Variants in FRMD1 observed in about 807,000 individuals in gnomAD.
The protein encoded by FRMD1 is FERM domain containing 1, also known as FERM domain-containing protein 1.
FRMD1 carries 51 observed loss-of-function variants against 54.9 expected under a neutral mutation model. That is an observed-to-expected ratio of 0.93 (90% CI 0.74 to 1.17). The LOEUF (loss-of-function observed/expected upper bound fraction) is 1.17, where lower values mean the gene tolerates loss of function less well. Ranked by LOEUF, FRMD1 falls within the 50% of genes most tolerant of loss-of-function variation. The pLI is 0.00. For synonymous variants in FRMD1, 324 were observed against 306.4 expected (o/e 1.06, Z -0.60); for missense variants, 729 against 743.0 (o/e 0.98, Z 0.22).
chr6:168,073,120 TG>T (rs1466709678), intron 2 of FRMD1, among the ~76,000 whole-genome samples: 1 of 152,150 alleles, frequency 6.6e-6, no homozygotes, highest in Non-Finnish European at 1.5e-5. Context: ...TATTCAACCT[TG>T]ACAGCAAGAC....
In FRMD1 at chr6:168,057,203, A is replaced by G. The variant is rs1205364555; in HGVS notation, c.1544T>C (p.Leu515Pro). 6.2e-7 allele frequency: 1 copy of G among 1,604,964 alleles called. No individual in the cohort carries two copies. The highest frequency in any genetic ancestry group is 1.7e-5 in the Admixed American group (1 of 59,236). ...HTFHRALDCR[L>P]AGPCETRATL... ...GGCCCTGGTCTCGCAGGGGCCTGCCAGCCTGCAGTCCAGGGCGCGGTGGAA... is the reference window on the plus strand; with the variant it reads ...GGCCCTGGTCTCGCAGGGGCCTGCCGGCCTGCAGTCCAGGGCGCGGTGGAA... The change falls in exon 11 of 11, where the codon CTG becomes CCG. Residue 515 changes from leucine (L) to proline (P), a missense_variant. Physicochemically the swap from Leu to Pro is moderately conservative, Grantham distance 98. Coordinates refer to ENST00000283309, the MANE Select transcript of FRMD1 (RefSeq NM_024919.6).
At chr6:168,092,545 G>A (rs1341429600) in intron 1 of FRMD1, among the ~76,000 whole-genome samples, 1 of 152,082 alleles carries the variant, frequency 6.6e-6, no homozygotes, top group Non-Finnish European at 1.5e-5. Flanking sequence ...CTCAGGAATG[G>A]GATTAGTGCC....
chr6:168,075,684 C>T (rs1189884220), intron 1 of FRMD1: 3 of 1,396,498 alleles, frequency 2.1e-6, no homozygotes, highest in Non-Finnish European at 3.0e-6. Context: ...GCTCTGTCCT[C>T]GCACGGCACA....
In FRMD1 at chr6:168,063,593, G is replaced by GGCTCGACCTTGTGCAGCCCATC. The variant is rs1562412352; in HGVS notation, c.804+7_804+8insGATGGGCTGCACAAGGTCGAGC. 1.2e-6 allele frequency: 2 copies of GGCTCGACCTTGTGCAGCCCATC among 1,606,336 alleles called. No individual in the cohort carries two copies. The highest frequency in any genetic ancestry group is 2.2e-5 in the South Asian group (2 of 89,808). ...GTCCAGCCCATCGCTGGCCGCCCTG[G>GGCTCGACCTTGTGCAGCCCATC]GCTCGACCTTGTGCAGCCTGAAGAA... On this transcript the variant is annotated splice_region_variant and intron_variant, in intron 6 of 10. Transcript: ENST00000283309.
chr6:168,073,938 G>C (rs1381254482), intron 2 of FRMD1, among the ~76,000 whole-genome samples: 4 of 152,032 alleles, frequency 2.6e-5, no homozygotes, highest in African/African-American at 4.8e-5. Flanking sequence ...AAGACAGGGG[G>C]ATATTCAGCC....
chr6:168,081,361 C>T (rs920453764), upstream of FRMD1: 1 of 1,530,982 alleles, frequency 6.5e-7, no homozygotes, highest in Non-Finnish European at 8.7e-7. Flanking sequence ...GTCTTGTCTT[C>T]TCGACTGGCC....
upstream of FRMD1, among the ~76,000 whole-genome samples, chr6:168,083,021 C>G (rs1373694599): frequency 3.9e-5 from 6 of 152,184 alleles, no homozygotes; most frequent in African/African-American, 1.4e-4. Context: ...CTGAGGAGCC[C>G]CTCACCCGTG....
upstream of FRMD1, among the ~76,000 whole-genome samples, chr6:168,085,320 G>T (rs375878028): frequency 2.0e-5 from 3 of 152,234 alleles, no homozygotes; most frequent in East Asian, 3.9e-4. Flanking sequence ...GCAGCCGCCT[G>T]GCTCAGGATG....
chr6:168,065,036 C>T lies in FRMD1; in HGVS notation c.483G>A (p.Leu161=). 6.2e-7 allele frequency: 1 copy of T among 1,608,070 alleles called. No homozygotes were observed. The highest frequency in any genetic ancestry group is 8.5e-7 in the Non-Finnish European group (1 of 1,177,060). The change falls in exon 5 of 11, where the codon CTG becomes CTA. Residue 161 remains leucine (L), a synonymous_variant. Transcript: ENST00000283309. ...CGCGCTCCTTCAAGTGGCAGTAGTA[C>T]AGGTGCCGTGCCCTGTGGTCGCTGG... is the stretch of plus-strand genomic sequence containing the variant. ...RVISDHRARH[L]YYCHLKERVL...
At chr6:168,079,400 G>A (rs1800764950), upstream of FRMD1, among the ~76,000 whole-genome samples, 1 of 152,212 alleles carries the variant, frequency 6.6e-6, no homozygotes, top group Non-Finnish European at 1.5e-5. Flanking sequence ...TGAGAACCAG[G>A]CTGGGGGAGA....
chr6:168,077,283 G>GC (rs970757626), intron 1 of FRMD1, among the ~76,000 whole-genome samples: 1 of 150,104 alleles, frequency 6.7e-6, no homozygotes, highest in Non-Finnish European at 1.5e-5. Flanking sequence ...CACTCCGATG[G>GC]GGGGGGGTTC....
intron 4 of FRMD1, chr6:168,066,090 G>C: frequency 1.0e-6 from 1 of 996,682 alleles, no homozygotes; most frequent in Non-Finnish European, 1.2e-6. Context: ...GCAGTGAACA[G>C]CGAGAACCGC....
At position 168,067,448 on chromosome 6, in the gene FRMD1, T is replaced by C. The variant is rs141636579; in HGVS notation, c.305-2A>G. 5.0e-6 allele frequency: 8 copies of C among 1,593,720 alleles called. No homozygotes were observed. In the African/African-American group the frequency reaches 8.1e-5, roughly 16 times the overall value. ...AATCCATAAATATATACTCATTGTC[T>C]GAAAGCAAAACAAAAGGCTTCATCA... On this transcript the variant is annotated splice_acceptor_variant, in intron 2 of 10. Coordinates refer to ENST00000283309, the MANE Select transcript of FRMD1 (RefSeq NM_024919.6). LOFTEE classifies it high-confidence loss of function.
In FRMD1 at chr6:168,053,526, G is replaced by C. The variant is rs1799325286; in HGVS notation, c.*3571C>G. The stretch of plus-strand genomic sequence containing the variant: ...GCAGACCGAGCCAAGTGTGTGTCCA[G>C]TTCAGCCTCCCCTACGCGGGCCCCA... On this transcript the variant is annotated 3_prime_UTR_variant, in exon 11 of 11. Coordinates refer to ENST00000283309, the MANE Select transcript of FRMD1 (RefSeq NM_024919.6). 1 of 152,366 alleles carries C rather than the reference G, an allele frequency of 6.6e-6. No homozygotes were observed. 9.4% of individuals were successfully genotyped at this position (152,366 alleles called of 1,614,324 possible).
At chr6:168,062,027 C>A in intron 7 of FRMD1, 46 bp from the exon 8 acceptor site, 1 of 1,540,428 alleles carries the variant, frequency 6.5e-7, no homozygotes, top group South Asian at 1.2e-5. Context: ...TGGAAAACCA[C>A]GCTAGCCACA....
chr6:168,068,794 C>T (rs1231583302), intron 2 of FRMD1, among the ~76,000 whole-genome samples: 3 of 152,222 alleles, frequency 2.0e-5, no homozygotes, highest in African/African-American at 7.2e-5. Flanking sequence ...GAAGATACTC[C>T]ATCCCCAAGT....
upstream of FRMD1, among the ~76,000 whole-genome samples, chr6:168,085,315 C>T (rs757767870): frequency 4.6e-5 from 7 of 152,226 alleles, no homozygotes; most frequent in Admixed American, 3.9e-4. Flanking sequence ...AAGTGGCAGC[C>T]GCCTGGCTCA....
rs147528328 is a variant in FRMD1 at position 168,068,539 on chromosome 6, T to C, written c.305-1093A>G. Among the ~76,000 whole-genome samples the C allele has an allele frequency of 9.8e-3, 1,489 of 152,364 alleles. 19 individuals carry two copies. The highest frequency in any genetic ancestry group is 0.011 in the Non-Finnish European group (767 of 68,040). ...ATAATACCTGATGCAATGTAAATGC[T>C]GTGGAAGTCTTTGTTGTACTGTGTT... On this transcript the variant is annotated intron_variant, in intron 2 of 10. Coordinates refer to ENST00000283309, the MANE Select transcript of FRMD1 (RefSeq NM_024919.6).
chr6:168,071,489 G>A (rs9346520), intron 2 of FRMD1, among the ~76,000 whole-genome samples: 112,717 of 152,052 alleles, frequency 0.74, 41,878 homozygotes, highest in Middle Eastern at 0.82. Flanking sequence ...AAACCGCAGC[G>A]CCAGGGAGGT....
Sources: gnomAD v4.1 joint callset for allele counts (sites outside exome capture counted in the v4.1 genomes callset) on GRCh38, gnomAD v4.1.1 for gene constraint, MANE v1.5 for transcripts, NCBI Gene and HGNC (gene_info 2026-07-23, HGNC 2026-07-21) for gene names.